Variants in CDH8 observed in about 807,000 individuals in gnomAD.
The protein encoded by CDH8 is cadherin-8.
CDH8 carries 17 observed loss-of-function variants against 68.1 expected under a neutral mutation model. The ratio of observed to expected loss-of-function variants is 0.25; its 90% CI spans 0.17 to 0.37. The LOEUF (loss-of-function observed/expected upper bound fraction) is 0.37, where lower values mean the gene tolerates loss of function less well. Ranked by LOEUF, CDH8 falls within the 10% of genes least tolerant of loss-of-function variation. CDH8 has a pLI of 1.00. For missense variants in CDH8, 763 were observed against 999.3 expected, an observed-to-expected ratio of 0.76 and a Z score of 3.19; for synonymous variants, 372 against 365.1, an observed-to-expected ratio of 1.02 and a Z score of -0.21.
intron 9 of CDH8, 86 bp downstream of exon 9, chr16:61,727,008 G>T (rs1430842838): frequency 2.9e-6 from 4 of 1,370,006 alleles, no homozygotes; most frequent in Non-Finnish European, 4.1e-6. Context: ...CATAAATGAT[G>T]CAAATGCACA....
In CDH8 at chr16:62,021,400, G is replaced by T. The variant is rs1278605734; in HGVS notation, c.4C>A (p.Pro2Thr). 1 of 1,606,410 alleles carries T rather than the reference G, an allele frequency of 6.2e-7. No homozygotes were observed. M[P>T]ERLAEMLLDL... ...AAGAGCATTTCCGCTAGCCGTTCTG[G>T]CATGGTCCCACCAGTTAAGCAAATC... The change falls in exon 2 of 12, where the codon CCA (proline) becomes ACA (threonine). Residue 2 changes from proline (P) to threonine (T), a missense_variant. Coordinates refer to ENST00000577390, the MANE Select transcript of CDH8 (RefSeq NM_001796.5).
chr16:61,830,810 C>T (rs1962439969), intron 4 of CDH8, among the ~76,000 whole-genome samples: 1 of 151,748 alleles, frequency 6.6e-6, no homozygotes, highest in African/African-American at 2.4e-5. Context: ...TGATAAATAA[C>T]CTCACAATAA....
chr16:61,940,208 G>A (rs929618818), intron 2 of CDH8: 1 of 151,438 alleles, frequency 6.6e-6, no homozygotes, highest in African/African-American at 2.4e-5. Context: ...TCTTTCTTAC[G>A]TCGAATGCTG....
At chr16:61,987,876 C>T (rs1194247501) in intron 2 of CDH8, among the ~76,000 whole-genome samples, 4 of 152,116 alleles carry the variant, frequency 2.6e-5, no homozygotes, top group Admixed American at 2.0e-4. Flanking sequence ...TGAATTGCCT[C>T]ATTTAGTTCT....
chr16:61,727,187 A>G lies in CDH8; in HGVS notation c.1443T>C (p.Pro481=), dbSNP rs1204697806. 1.2e-6 allele frequency: 2 copies of G among 1,609,638 alleles called. No homozygotes were observed. Among genetic ancestry groups the G allele is most frequent in the African/African-American group, 2.7e-5 (2 of 74,516 alleles). ...TGACATCCAGCACTTTAATAGCAAC[A>G]GGTACTCGTGATATCTGACTGTGGT... ...IRNHSQISRV[P]VAIKVLDVND... Residue 481 remains proline (P), a synonymous_variant, in exon 9 of 12, where the codon CCT becomes CCC. Transcript: ENST00000577390.
chr16:62,017,315 A>G (rs1189655110), intron 2 of CDH8, among the ~76,000 whole-genome samples: 1 of 152,146 alleles, frequency 6.6e-6, no homozygotes, highest in Non-Finnish European at 1.5e-5. Flanking sequence ...TCAAGCATAG[A>G]CAAAGGGTAT....
intron 8 of CDH8, among the ~76,000 whole-genome samples, chr16:61,762,322 C>T (rs1960491487): frequency 6.6e-6 from 1 of 152,084 alleles, no homozygotes; most frequent in South Asian, 2.1e-4. Flanking sequence ...GTAAGATTGT[C>T]ACCATTGGAA....
intron 1 of CDH8, among the ~76,000 whole-genome samples, chr16:62,026,125 T>C (rs2090122205): frequency 6.6e-6 from 1 of 152,184 alleles, no homozygotes; most frequent in Non-Finnish European, 1.5e-5. Flanking sequence ...ATTTTCCTGG[T>C]ATAAATACTT....
At chr16:61,941,767 C>CT (rs2143540635) in intron 2 of CDH8, among the ~76,000 whole-genome samples, 1 of 152,236 alleles carries the variant, frequency 6.6e-6, no homozygotes, top group African/African-American at 2.4e-5. Context: ...TTTTGTTTTG[C>CT]TTTTTCCTGA....
chr16:61,700,958 A>T (rs960526165), intron 10 of CDH8, among the ~76,000 whole-genome samples: 3 of 152,228 alleles, frequency 2.0e-5, no homozygotes, highest in African/African-American at 7.2e-5. Flanking sequence ...CCCTGATTTG[A>T]TCATTACATG....
chr16:61,885,023 A>G (rs1308535403), intron 3 of CDH8, among the ~76,000 whole-genome samples: 1 of 152,228 alleles, frequency 6.6e-6, no homozygotes, highest in Non-Finnish European at 1.5e-5. Flanking sequence ...ATAAACGAAT[A>G]TAAGAATGAA....
chr16:61,738,999 G>C (rs1013921103), intron 8 of CDH8, among the ~76,000 whole-genome samples: 4 of 152,024 alleles, frequency 2.6e-5, no homozygotes, highest in Admixed American at 2.6e-4. Flanking sequence ...TGGTGCAACA[G>C]GTAAAGAAAT....
At chr16:61,870,492 G>A (rs1288732265) in intron 3 of CDH8, among the ~76,000 whole-genome samples, 2 of 152,170 alleles carry the variant, frequency 1.3e-5, no homozygotes, top group Non-Finnish European at 2.9e-5. Flanking sequence ...AAGTTACCTT[G>A]AGGAGCTTTC....
At chr16:61,827,476 T>C (rs1322258799) in intron 4 of CDH8, among the ~76,000 whole-genome samples, 3 of 151,948 alleles carry the variant, frequency 2.0e-5, no homozygotes, top group Admixed American at 1.3e-4. Flanking sequence ...AAGATTGGTA[T>C]GTATTATTCT....
rs550353257 is a variant in CDH8, at chr16:61,870,473, T to C, written c.548-13235A>G. Among the ~76,000 whole-genome samples the C allele has an allele frequency of 6.2e-4, 94 of 152,286 alleles. 1 individual carries two copies. The highest frequency in any genetic ancestry group is 2.2e-3 in the African/African-American group (90 of 41,566). On this transcript the variant is annotated intron_variant, in intron 3 of 11. Coordinates refer to ENST00000577390, the MANE Select transcript of CDH8 (RefSeq NM_001796.5). ...AATGTTTTCAAAACAGTATTTCATA[T>C]AGGAAGAGAAGTTACCTTGAGGAGC... is the stretch of plus-strand genomic sequence containing the variant.
At chr16:61,972,797 T>C (rs1965366392) in intron 2 of CDH8, among the ~76,000 whole-genome samples, 1 of 152,114 alleles carries the variant, frequency 6.6e-6, no homozygotes, top group South Asian at 2.1e-4. Flanking sequence ...GAGCAGTTGA[T>C]CCTGTAGGTG....
chr16:61,951,215 A>G (rs1964891967), intron 2 of CDH8, among the ~76,000 whole-genome samples: 2 of 152,258 alleles, frequency 1.3e-5, no homozygotes, highest in Admixed American at 6.5e-5. Context: ...ATACATGTAT[A>G]AAAGATGCCA....
At chr16:61,964,648 A>G (rs888332984) in intron 2 of CDH8, among the ~76,000 whole-genome samples, 4 of 151,948 alleles carry the variant, frequency 2.6e-5, no homozygotes, top group Non-Finnish European at 4.4e-5. Flanking sequence ...GGCCTTGAGT[A>G]TAGCACTGCT....
intron 3 of CDH8, among the ~76,000 whole-genome samples, chr16:61,880,264 T>C (rs747935823): frequency 2.0e-5 from 3 of 152,152 alleles, no homozygotes; most frequent in Non-Finnish European, 4.4e-5. Flanking sequence ...TAAGCAATGA[T>C]AATCTGAAGC....
Sources: allele counts gnomAD v4.1 joint callset (sites outside exome capture counted in the v4.1 genomes callset), GRCh38; gene constraint gnomAD v4.1.1; transcripts MANE v1.5; gene names NCBI Gene and HGNC (gene_info 2026-07-23, HGNC 2026-07-21).